Variants in PTPRG observed in about 807,000 individuals in gnomAD.
The protein encoded by PTPRG is protein tyrosine phosphatase receptor type G, also known as receptor-type tyrosine-protein phosphatase gamma.
Under a neutral mutation model 165.3 loss-of-function variants are expected in PTPRG, and 102 were observed. That is an observed-to-expected ratio of 0.62 (90% CI 0.53 to 0.73). The LOEUF is 0.73. Among genes scored for constraint, PTPRG ranks in the 30% least tolerant of loss-of-function variants. PTPRG has a pLI of 0.00. For synonymous variants in PTPRG, 675 were observed against 669.5 expected (o/e 1.01, Z -0.13); for missense variants, 1,866 against 1,861.4 (o/e 1.00, Z -0.05).
chr3:62,013,681 TTAAAA>T (rs1344212538), intron 4 of PTPRG, among the ~76,000 whole-genome samples: 6 of 152,202 alleles, frequency 3.9e-5, no homozygotes, highest in African/African-American at 1.2e-4. Flanking sequence ...GTTGTATACC[TTAAAA>T]TAAAATTTGT....
rs574276225 is a variant in PTPRG, at chr3:61,670,881, C to A, written c.86-77997C>A. 2.0e-5 allele frequency among the ~76,000 whole-genome samples: 3 copies of A among 152,286 alleles called. No homozygotes were observed. In the East Asian group the frequency reaches 5.8e-4, roughly 29 times the overall value. ...GTTTGTGTTGTGACTATCGAAATCC[C>A]TGCTCTCCGGAGGCTTGCCCTGACT... On this transcript the variant is annotated intron_variant, in intron 1 of 29. Coordinates refer to ENST00000474889, the MANE Select transcript of PTPRG (RefSeq NM_002841.4).
chr3:61,752,794 A>AG (rs1553660784), intron 2 of PTPRG, among the ~76,000 whole-genome samples: 1 of 105,966 alleles, frequency 9.4e-6, no homozygotes, highest in Non-Finnish European at 2.0e-5. Context: ...TCAAAAAAAA[A>AG]AAAAAAAGAA....
At chr3:62,265,746 T>C (rs192586740) in intron 17 of PTPRG, among the ~76,000 whole-genome samples, 90 of 152,162 alleles carry the variant, frequency 5.9e-4, no homozygotes, top group Non-Finnish European at 1.0e-3. Flanking sequence ...TCACCACTGC[T>C]GTGACTATGA....
At position 62,296,606 on chromosome 3, in the gene PTPRG, T is replaced by C. The variant is rs1292701546; in HGVS notation, c.*3299T>C. ...AACTCCTATGTTCTAAAGTTTATGT[T>C]CAAATGGTGCCAGTGAATTTTTATA... On this transcript the variant is annotated 3_prime_UTR_variant, in exon 30 of 30. Transcript: ENST00000474889. 6.6e-6 allele frequency: 1 copy of C among 151,846 alleles called. No individual in the cohort carries two copies. The highest frequency in any genetic ancestry group is 1.5e-5 in the Non-Finnish European group (1 of 67,890). 9.4% of individuals were successfully genotyped at this position (151,846 alleles called of 1,614,324 possible).
intron 5 of PTPRG, chr3:62,124,170 T>TG (rs1461003223): frequency 1.4e-6 from 1 of 715,910 alleles, no homozygotes; most frequent in African/African-American, 1.8e-5. Flanking sequence ...TTGTTGTCGT[T>TG]GTTGTGCAAA....
At chr3:62,016,409 G>A (rs563211970) in intron 4 of PTPRG, among the ~76,000 whole-genome samples, 122 of 151,998 alleles carry the variant, frequency 8.0e-4, no homozygotes, top group African/African-American at 2.1e-3. Context: ...CTCGTGATTC[G>A]CCTGCCTCAG....
intron 2 of PTPRG, among the ~76,000 whole-genome samples, chr3:61,937,934 TG>T (rs199511930): frequency 1.6e-5 from 2 of 127,290 alleles, no homozygotes; most frequent in South Asian, 5.7e-4. Flanking sequence ...CATTTGATCT[TG>T]GGGTTTTTTT....
chr3:62,166,819 G>T (rs1331705082), intron 7 of PTPRG, among the ~76,000 whole-genome samples: 1 of 151,940 alleles, frequency 6.6e-6, no homozygotes, highest in Non-Finnish European at 1.5e-5. Flanking sequence ...CTCCCAAGAA[G>T]CTGCGACTAC....
At chr3:61,936,615 G>A (rs560632384) in intron 2 of PTPRG, among the ~76,000 whole-genome samples, 2 of 152,134 alleles carry the variant, frequency 1.3e-5, no homozygotes, top group African/African-American at 2.4e-5. Flanking sequence ...TGTTGAGATG[G>A]GCTAATTTTC....
At chr3:62,073,376 G>A (rs1701272178) in intron 4 of PTPRG, among the ~76,000 whole-genome samples, 1 of 152,182 alleles carries the variant, frequency 6.6e-6, no homozygotes, top group African/African-American at 2.4e-5. Context: ...TTATAGTGGA[G>A]AAGCCCAATA....
chr3:62,029,717 A>G (rs1203102605), intron 4 of PTPRG, among the ~76,000 whole-genome samples: 1 of 152,202 alleles, frequency 6.6e-6, no homozygotes, highest in East Asian at 1.9e-4. Context: ...TGAAGGGAAA[A>G]CATTCACACA....
intron 1 of PTPRG, among the ~76,000 whole-genome samples, chr3:61,587,335 G>A (rs1037098280): frequency 6.6e-6 from 1 of 152,076 alleles, no homozygotes; most frequent in Non-Finnish European, 1.5e-5. Context: ...TTCTCCAAAT[G>A]TTAAGTTGAT....
chr3:61,700,248 A>G (rs2030879168), intron 1 of PTPRG, among the ~76,000 whole-genome samples: 1 of 152,134 alleles, frequency 6.6e-6, no homozygotes, highest in African/African-American at 2.4e-5. Flanking sequence ...CCTCATATGA[A>G]CCTATATATG....
intron 9 of PTPRG, among the ~76,000 whole-genome samples, chr3:62,194,236 A>G (rs1432150712): frequency 6.6e-6 from 1 of 152,222 alleles, no homozygotes; most frequent in Admixed American, 6.5e-5. Flanking sequence ...ACAGCTTGCC[A>G]ACACCCCTAT....
chr3:62,041,843 A>G (rs532055605), intron 4 of PTPRG, among the ~76,000 whole-genome samples: 1 of 152,246 alleles, frequency 6.6e-6, no homozygotes, highest in Non-Finnish European at 1.5e-5. Context: ...GATGATAGTG[A>G]CTATAATGCT....
chr3:62,157,481 A>G (rs577167007), intron 7 of PTPRG, among the ~76,000 whole-genome samples: 2 of 152,336 alleles, frequency 1.3e-5, no homozygotes, highest in East Asian at 1.9e-4. Context: ...TAAGTATTCA[A>G]TCTTGAGGAG....
intron 2 of PTPRG, among the ~76,000 whole-genome samples, chr3:61,949,075 T>C (rs2039834262): frequency 6.8e-6 from 1 of 146,636 alleles, no homozygotes; most frequent in Non-Finnish European, 1.5e-5. Flanking sequence ...GACCTTAGCA[T>C]GTGATGGCTT....
At chr3:61,793,964 A>T (rs1210605493) in intron 2 of PTPRG, among the ~76,000 whole-genome samples, 1 of 152,196 alleles carries the variant, frequency 6.6e-6, no homozygotes, top group Admixed American at 6.5e-5. Flanking sequence ...TGTTTCCACC[A>T]AACACCTTGT....
rs1350565530 is a variant in PTPRG at position 62,295,697 on chromosome 3, T to G, written c.*2390T>G. On this transcript the variant is annotated 3_prime_UTR_variant, in exon 30 of 30. Transcript: ENST00000474889. Reference sequence around the variant, plus strand: ...CAGCGAGCTTGAACCAAAGTCTTCATATCCTGACCCACTGAATTATAAGCA... The same window carrying G: ...CAGCGAGCTTGAACCAAAGTCTTCAGATCCTGACCCACTGAATTATAAGCA... The G allele has an allele frequency of 6.6e-6, 1 of 152,144 alleles. No individual in the cohort carries two copies. The highest frequency in any genetic ancestry group is 2.4e-5 in the African/African-American group (1 of 41,444). 9.4% of individuals were successfully genotyped at this position (152,144 alleles called of 1,614,324 possible). A position where few individuals can be genotyped will look rare whatever the true frequency, so the allele number is the denominator to read the frequency against.
Sources: allele counts gnomAD v4.1 joint callset (sites outside exome capture counted in the v4.1 genomes callset), GRCh38; gene constraint gnomAD v4.1.1; transcripts MANE v1.5; gene names NCBI Gene and HGNC (gene_info 2026-07-23, HGNC 2026-07-21).